The following SATL1 variants were observed in gnomAD, a reference collection of about 807,000 sequenced individuals.
SATL1 encodes the protein spermidine/spermine N1-acetyl transferase like 1.
A neutral mutation model predicts 51.8 loss-of-function variants in SATL1; 47 were observed. The observed-to-expected ratio is 0.91, with a 90% confidence interval of 0.72 to 1.16. The LOEUF (loss-of-function observed/expected upper bound fraction) is 1.16. SATL1 is among the 50% of genes most tolerant of loss of function. The probability of loss-of-function intolerance (pLI) is 0.00; values close to 1 mark genes in which losing one functional copy is unlikely to be tolerated. For synonymous variants in SATL1, 176 were observed against 182.4 expected (o/e 0.97, Z 0.28); for missense variants, 520 against 526.4 (o/e 0.99, Z 0.12).
chrX:85,147,633 G>C (rs1422154044), intron 2 of SATL1, among the ~76,000 whole-genome samples: 2 of 111,602 alleles, frequency 1.8e-5, no homozygotes, highest in African/African-American at 6.5e-5. Context: ...AACTTCCAGA[G>C]GAACGATCAG....
chrX:85,092,859 C>T, intron 7 of SATL1: 1 of 319,831 alleles, frequency 3.1e-6, no homozygotes, highest in Non-Finnish European at 5.4e-6. Context: ...GAAGATCTTG[C>T]TTTTATAGTC....
intron 2 of SATL1, chrX:85,211,895 T>C (rs894182360): frequency 2.7e-5 from 3 of 111,966 alleles, no homozygotes; most frequent in Non-Finnish European, 5.6e-5. Flanking sequence ...TGGAGCTATC[T>C]TGATATTTAA....
intron 2 of SATL1, among the ~76,000 whole-genome samples, chrX:85,167,425 A>G (rs1422159493): frequency 2.7e-5 from 3 of 111,287 alleles, no homozygotes; most frequent in Non-Finnish European, 5.7e-5. Flanking sequence ...GGAAATAAAA[A>G]TAAACATAAT....
At chrX:85,194,768 C>T (rs749050181) in intron 2 of SATL1, among the ~76,000 whole-genome samples, 2 of 104,397 alleles carry the variant, frequency 1.9e-5, no homozygotes, top group African/African-American at 7.1e-5. Context: ...CAAACTATCA[C>T]AAGAACAGAA....
chrX:85,177,657 C>G (rs1001033849), intron 2 of SATL1, among the ~76,000 whole-genome samples: 27 of 111,459 alleles, frequency 2.4e-4, no homozygotes, highest in Non-Finnish European at 4.9e-4. Flanking sequence ...CTTCTAGACT[C>G]TAAGTGTAAT....
intron 1 of SATL1, among the ~76,000 whole-genome samples, chrX:85,236,565 C>T (rs1388559627): frequency 9.0e-6 from 1 of 111,349 alleles, no homozygotes; most frequent in Non-Finnish European, 1.9e-5. Flanking sequence ...ATACATCATA[C>T]TAACAGAATG....
intron 2 of SATL1, among the ~76,000 whole-genome samples, chrX:85,116,612 A>G (rs1224122313): frequency 2.7e-5 from 3 of 111,259 alleles, no homozygotes; most frequent in African/African-American, 9.8e-5. Context: ...TTTGCCTTAT[A>G]ATGTGTATGC....
intron 2 of SATL1, chrX:85,210,149 G>GT (rs768496201): frequency 0.12 from 12,862 of 104,532 alleles, 667 homozygotes; most frequent in South Asian, 0.16. Flanking sequence ...ACTAGCTGCT[G>GT]GTTTTTTTTT....
chrX:85,096,959 T>G (rs1397435421), intron 4 of SATL1, among the ~76,000 whole-genome samples: 1 of 106,482 alleles, frequency 9.4e-6, no homozygotes, highest in Non-Finnish European at 1.9e-5. Context: ...ATGAAAGTAA[T>G]CTAAACAGTA....
At chrX:85,136,879 T>C (rs1047514292) in intron 2 of SATL1, among the ~76,000 whole-genome samples, 1 of 111,842 alleles carries the variant, frequency 8.9e-6, no homozygotes, top group African/African-American at 3.3e-5. Context: ...GAGTGATTAT[T>C]ACTCTTCCAA....
intron 2 of SATL1, among the ~76,000 whole-genome samples, chrX:85,169,107 C>G (rs1926913519): frequency 8.9e-6 from 1 of 112,038 alleles, no homozygotes; most frequent in African/African-American, 3.2e-5. Context: ...TTACACCATA[C>G]ACAAAAATAA....
At chrX:85,183,736 A>G (rs12013080) in intron 2 of SATL1, among the ~76,000 whole-genome samples, 5,140 of 111,389 alleles carry the variant, frequency 0.046, 321 homozygotes, top group African/African-American at 0.16. Context: ...AATAATCACA[A>G]CAGAATAAAT....
rs377245536 is a variant in SATL1 at position 85,108,621 on chromosome X, T to C, written c.348A>G (p.Gln116=). The change falls in exon 3 of 8, where the codon CAA becomes CAG. Residue 116 remains glutamine, a synonymous_variant. Transcript: ENST00000644105. ...QPDPSQPGPS[Q]SGPSQSRMRQ... The stretch of plus-strand genomic sequence containing the variant: ...TCATGCGTGATTGGCTGGGGCCTGA[T>C]TGGCTTGGGCCTGGTTGCGATGGGT... 6.7e-6 allele frequency: 8 copies of C among 1,201,946 alleles called. No homozygotes were observed. Among genetic ancestry groups the C allele is most frequent in the South Asian group, 1.8e-5 (1 of 55,796 alleles).
chrX:85,107,649 G>A lies in SATL1; in HGVS notation c.1320C>T (p.Gly440=). 1.7e-6 allele frequency: 2 copies of A among 1,211,777 alleles called. No individual in the cohort carries two copies. The highest frequency in any genetic ancestry group is 1.1e-6 in the Non-Finnish European group (1 of 895,557). ...GCTGGCTCATGCCTGGTTGCCACAT[G>A]CCTCGTTGCCACATGCCTGGTGGAC... ...NKSPPGMWQR[G]MWQPGMSQQV... The change falls in exon 3 of 8, where the codon GGC becomes GGT. Residue 440 remains glycine (G), a synonymous_variant. Coordinates refer to ENST00000644105, the MANE Select transcript of SATL1 (RefSeq NM_001367857.2).
intron 2 of SATL1, among the ~76,000 whole-genome samples, chrX:85,125,021 G>A (rs56247832): frequency 0.14 from 15,372 of 109,787 alleles, 1,676 homozygotes; most frequent in African/African-American, 0.37. Context: ...AGACTGTCCC[G>A]GGCAGTTTCT....
At chrX:85,212,596 A>G (rs893344331) in intron 2 of SATL1, 1 of 111,896 alleles carries the variant, frequency 8.9e-6, no homozygotes, top group African/African-American at 3.2e-5. Flanking sequence ...TAGTCATAAC[A>G]TTCGATTTCA....
At chrX:85,186,971 T>C (rs1375757027) in intron 2 of SATL1, among the ~76,000 whole-genome samples, 1 of 112,056 alleles carries the variant, frequency 8.9e-6, no homozygotes, top group Non-Finnish European at 1.9e-5. Flanking sequence ...GGTAATATGG[T>C]CATTTTAACA....
At chrX:85,195,057 G>T (rs1231403191) in intron 2 of SATL1, among the ~76,000 whole-genome samples, 1 of 109,918 alleles carries the variant, frequency 9.1e-6, no homozygotes, top group African/African-American at 3.3e-5. Flanking sequence ...CAACAGTTTT[G>T]ACCCTGTTTG....
intron 2 of SATL1, chrX:85,210,872 A>G (rs1927905773): frequency 8.9e-6 from 1 of 111,875 alleles, no homozygotes; most frequent in Admixed American, 9.5e-5. Context: ...GAGCTGAAAG[A>G]CAAAAAAAGA....
Sources: allele counts gnomAD v4.1 joint callset (sites outside exome capture counted in the v4.1 genomes callset), GRCh38; gene constraint gnomAD v4.1.1; transcripts MANE v1.5; gene names NCBI Gene and HGNC (gene_info 2026-07-23, HGNC 2026-07-21).